AGBL4: variants seen among roughly 807,000 people sequenced by gnomAD.
AGBL4 encodes AGBL carboxypeptidase 4.
In AGBL4, 58 loss-of-function variants were observed where a neutral mutation model predicts 66.4. That is an observed-to-expected ratio of 0.87 (90% CI 0.71 to 1.09). The LOEUF (loss-of-function observed/expected upper bound fraction) is 1.09. AGBL4 is among the 50% of genes least tolerant of loss of function. The pLI is 0.00. For missense variants in AGBL4, 579 were observed against 631.0 expected, an observed-to-expected ratio of 0.92 and a Z score of 0.88; for synonymous variants, 234 against 222.9, an observed-to-expected ratio of 1.05 and a Z score of -0.44.
intron 5 of AGBL4, among the ~76,000 whole-genome samples, chr1:48,984,491 T>A (rs972783871): frequency 6.7e-6 from 1 of 148,604 alleles, no homozygotes. Context: ...GGCTTTCCCA[T>A]CCGCCTATCA....
intron 3 of AGBL4, among the ~76,000 whole-genome samples, chr1:49,285,725 A>G (rs1476749181): frequency 6.6e-6 from 1 of 152,240 alleles, no homozygotes; most frequent in Non-Finnish European, 1.5e-5. Flanking sequence ...GACTACCATC[A>G]GAGAATACTA....
chr1:48,993,609 G>A (rs1381231880), intron 5 of AGBL4, among the ~76,000 whole-genome samples: 1 of 152,182 alleles, frequency 6.6e-6, no homozygotes, highest in Non-Finnish European at 1.5e-5. Context: ...CGCCTTTGAA[G>A]TTTATTTAAT....
intron 3 of AGBL4, among the ~76,000 whole-genome samples, chr1:49,473,742 T>C (rs1006785520): frequency 4.6e-5 from 7 of 152,088 alleles, no homozygotes; most frequent in African/African-American, 1.7e-4. Flanking sequence ...TGGATTTTCT[T>C]CTAGTATTTT....
intron 6 of AGBL4, chr1:48,758,757 T>C (rs1644085629): frequency 1.5e-6 from 1 of 684,126 alleles, no homozygotes; most frequent in African/African-American, 1.8e-5. Flanking sequence ...TGACTCTTCC[T>C]TGAGGTAACT....
Position 49,714,593 on chromosome 1 carries a change from T to TATATACAC in AGBL4, c.158-17157_158-17156insGTGTATAT, listed in dbSNP as rs1491300456. ...ACATATATATATATATATATATATA[T>TATATACAC]ACACACACACACATATATATATATC... On this transcript the variant is annotated intron_variant, in intron 2 of 13. Coordinates refer to ENST00000371839, the MANE Select transcript of AGBL4 (RefSeq NM_032785.4). Among the ~76,000 whole-genome samples, 44 of 113,996 alleles carry TATATACAC rather than the reference T, an allele frequency of 3.9e-4. 1 individual carries two copies. Among genetic ancestry groups the TATATACAC allele is most frequent in the African/African-American group, 1.2e-3 (39 of 31,712 alleles). The allele number at this position is 113,996 out of a possible 152,430, so 74.8% of individuals were successfully genotyped here.
chr1:49,146,302 C>A (rs1015647770), intron 4 of AGBL4, among the ~76,000 whole-genome samples: 1 of 151,974 alleles, frequency 6.6e-6, no homozygotes, highest in African/African-American at 2.4e-5. Flanking sequence ...GGGATGGATA[C>A]CCAATTTCCC....
chr1:49,034,849 C>T (rs139958461), intron 5 of AGBL4, among the ~76,000 whole-genome samples: 2,652 of 152,194 alleles, frequency 0.017, 44 homozygotes, highest in Non-Finnish European at 0.027. Flanking sequence ...TTATAAATTA[C>T]CCAGTCTTGG....
intron 9 of AGBL4, among the ~76,000 whole-genome samples, chr1:48,592,404 T>C (rs897302789): frequency 6.6e-6 from 1 of 152,206 alleles, no homozygotes; most frequent in Admixed American, 6.5e-5. Flanking sequence ...ATGACTGTCA[T>C]TTCATTTACC....
At chr1:49,944,405 C>A (rs771864733) in intron 1 of AGBL4, among the ~76,000 whole-genome samples, 1 of 152,018 alleles carries the variant, frequency 6.6e-6, no homozygotes, top group Admixed American at 6.6e-5. Context: ...CAGTAACAGC[C>A]CAAAGCCTGG....
At chr1:48,909,364 T>C (rs1652887038) in intron 5 of AGBL4, among the ~76,000 whole-genome samples, 1 of 152,154 alleles carries the variant, frequency 6.6e-6, no homozygotes, top group Non-Finnish European at 1.5e-5. Flanking sequence ...AAAGGCAAAC[T>C]CTCCTCCCAT....
chr1:48,798,418 T>C (rs780667224), intron 6 of AGBL4, among the ~76,000 whole-genome samples: 3 of 152,242 alleles, frequency 2.0e-5, no homozygotes, highest in African/African-American at 7.2e-5. Context: ...TTTCTCCCAC[T>C]CTGTGGGTTT....
chr1:49,109,284 C>T (rs1645359819), intron 4 of AGBL4, among the ~76,000 whole-genome samples: 1 of 152,180 alleles, frequency 6.6e-6, no homozygotes, highest in African/African-American at 2.4e-5. Flanking sequence ...GAAGCCATCA[C>T]CCACCCAGTG....
At chr1:49,769,882 C>T (rs1291012776) in intron 2 of AGBL4, among the ~76,000 whole-genome samples, 1 of 152,084 alleles carries the variant, frequency 6.6e-6, no homozygotes, top group African/African-American at 2.4e-5. Context: ...CTAAGAAATA[C>T]CATTCAGAAC....
At chr1:49,765,889 GA>G (rs562370869) in intron 2 of AGBL4, among the ~76,000 whole-genome samples, 5 of 151,444 alleles carry the variant, frequency 3.3e-5, no homozygotes, top group Admixed American at 2.0e-4. Flanking sequence ...GAAAAATAAT[GA>G]AAAAAAATGT....
At chr1:48,720,403 T>C (rs1360422666) in intron 6 of AGBL4, among the ~76,000 whole-genome samples, 3 of 152,130 alleles carry the variant, frequency 2.0e-5, no homozygotes, top group Non-Finnish European at 2.9e-5. Flanking sequence ...CTTATGACAA[T>C]GTTGAGAGAT....
intron 5 of AGBL4, among the ~76,000 whole-genome samples, chr1:49,012,708 C>T (rs1487382520): frequency 6.6e-6 from 1 of 152,174 alleles, no homozygotes; most frequent in Non-Finnish European, 1.5e-5. Context: ...AACATTTGCC[C>T]TCAGTTCCAA....
intron 1 of AGBL4, among the ~76,000 whole-genome samples, chr1:49,946,527 T>G (rs1655222816): frequency 1.3e-5 from 2 of 151,736 alleles, no homozygotes; most frequent in African/African-American, 4.8e-5. Flanking sequence ...TAGTGACACA[T>G]CCTATCAAAA....
chr1:48,743,019 G>T (rs940665258), intron 6 of AGBL4, among the ~76,000 whole-genome samples: 11 of 152,210 alleles, frequency 7.2e-5, no homozygotes, highest in African/African-American at 2.7e-4. Flanking sequence ...CACTCTTCCA[G>T]GGTGTCATTG....
At chr1:48,884,463 T>C (rs1352993187) in intron 5 of AGBL4, among the ~76,000 whole-genome samples, 1 of 151,870 alleles carries the variant, frequency 6.6e-6, no homozygotes, top group African/African-American at 2.4e-5. Context: ...GATCACAAAA[T>C]GTTATGAATT....
Sources: allele counts gnomAD v4.1 joint callset (sites outside exome capture counted in the v4.1 genomes callset), GRCh38; gene constraint gnomAD v4.1.1; transcripts MANE v1.5; gene names NCBI Gene and HGNC (gene_info 2026-07-23, HGNC 2026-07-21).